Variants in FGF2 observed in about 807,000 individuals in gnomAD.
FGF2 encodes the protein fibroblast growth factor 2.
Under a neutral mutation model 15.9 loss-of-function variants are expected in FGF2, and 13 were observed. The ratio of observed to expected loss-of-function variants is 0.82; its 90% CI spans 0.53 to 1.30. The LOEUF (loss-of-function observed/expected upper bound fraction) is 1.30. Among genes scored for constraint, FGF2 ranks in the 50% most tolerant of loss-of-function variants. The pLI, the probability that FGF2 is intolerant of heterozygous loss-of-function variation, is 0.00. For missense variants in FGF2, 163 were observed against 196.9 expected (o/e 0.83, Z 1.03); for synonymous variants, 90 against 78.4 (o/e 1.15, Z -0.78).
rs1357944142 is a variant in FGF2 at position 122,893,086 on chromosome 4, T to G, written c.*690T>G. On this transcript the variant is annotated 3_prime_UTR_variant, in exon 3 of 3. Transcript: ENST00000644866. ...GGCAAAAATTTATGGTGAATGAATA[T>G]GGCTTTAGGCGGCAGATGATATACA... 1 of 1,614,082 alleles carries G rather than the reference T, an allele frequency of 6.2e-7. No homozygotes were observed. The highest frequency in any genetic ancestry group is 1.3e-5 in the African/African-American group (1 of 74,924).
At chr4:122,858,607 A>G (rs1726388182) in intron 1 of FGF2, among the ~76,000 whole-genome samples, 1 of 152,130 alleles carries the variant, frequency 6.6e-6, no homozygotes. Flanking sequence ...CGTGTTGCCC[A>G]GGCTGGTCTT....
chr4:122,875,648 A>G (rs1273633427), intron 1 of FGF2, among the ~76,000 whole-genome samples: 1 of 152,136 alleles, frequency 6.6e-6, no homozygotes, highest in Non-Finnish European at 1.5e-5. Flanking sequence ...TCTACTAAAA[A>G]TACAAAAAAT....
chr4:122,866,028 G>A (rs1006567067), intron 1 of FGF2, among the ~76,000 whole-genome samples: 7 of 152,266 alleles, frequency 4.6e-5, no homozygotes, highest in Admixed American at 4.6e-4. Context: ...TGATAAATTG[G>A]ACTTCATGAA....
chr4:122,855,931 C>T (rs1008374987), intron 1 of FGF2, among the ~76,000 whole-genome samples: 4 of 152,140 alleles, frequency 2.6e-5, no homozygotes, highest in Admixed American at 6.5e-5. Context: ...CTTCTGTCCC[C>T]GTACCCTCAC....
intron 1 of FGF2, among the ~76,000 whole-genome samples, chr4:122,873,015 C>A (rs6819187): frequency 0.43 from 66,117 of 152,106 alleles, 17,034 homozygotes; most frequent in Non-Finnish European, 0.57. Context: ...GAATCAAATT[C>A]ACACATTTTG....
chr4:122,874,783 A>C (rs556837211), intron 1 of FGF2, among the ~76,000 whole-genome samples: 11 of 152,272 alleles, frequency 7.2e-5, no homozygotes, highest in African/African-American at 2.4e-4. Context: ...TTAATTATTT[A>C]AGAAACTTTC....
At chr4:122,890,168 G>A (rs1180236321) in intron 2 of FGF2, 1 of 152,116 alleles carries the variant, frequency 6.6e-6, no homozygotes, top group African/African-American at 2.4e-5. Context: ...GTTAACTTCA[G>A]TTCACACGAG....
At chr4:122,838,686 G>A (rs1259379919) in intron 1 of FGF2, among the ~76,000 whole-genome samples, 1 of 152,222 alleles carries the variant, frequency 6.6e-6, no homozygotes, top group East Asian at 1.9e-4. Flanking sequence ...GTCCAGCAAA[G>A]TTGAAGTGTG....
intron 1 of FGF2, among the ~76,000 whole-genome samples, chr4:122,872,911 C>T (rs1266638719): frequency 1.3e-5 from 2 of 152,192 alleles, no homozygotes; most frequent in Non-Finnish European, 2.9e-5. Flanking sequence ...GTACCAGTCA[C>T]TGCAAAAAAC....
Position 122,833,671 on chromosome 4 carries a change from T to TA in FGF2, c.178+6319_178+6320insA, listed in dbSNP as rs1193739148. On this transcript the variant is annotated intron_variant, in intron 1 of 2. Coordinates refer to ENST00000644866, the MANE Select transcript of FGF2 (RefSeq NM_001361665.2). ...CAGAGAGTGCTCACTAAATGTCAGC[T>TA]GATGAGGAAAACATTCTCTGTGGAA... is the stretch of plus-strand genomic sequence containing the variant. Among the ~76,000 whole-genome samples, 72 of 152,278 alleles carry TA rather than the reference T, an allele frequency of 4.7e-4. 1 individual carries two copies. Among genetic ancestry groups the TA allele is most frequent in the African/African-American group, 1.7e-3 (71 of 41,544 alleles).
At chr4:122,840,684 C>T (rs539465035) in intron 1 of FGF2, 5 of 189,160 alleles carry the variant, frequency 2.6e-5, no homozygotes, top group Admixed American at 5.0e-5. Context: ...CACTAAAGCC[C>T]AGGTAAGGAG....
In FGF2 at chr4:122,896,943, G is replaced by C. The variant is rs1046852113; in HGVS notation, c.*4547G>C. ...ATTGAATTTGATCCAATAGTTTAAG[G>C]AATAGGTAGGAAAATTTGGTTTCTA... On this transcript the variant is annotated 3_prime_UTR_variant, in exon 3 of 3. Transcript: ENST00000644866. 1.3e-5 allele frequency: 2 copies of C among 152,108 alleles called. No homozygotes were observed. The highest frequency in any genetic ancestry group is 1.5e-5 in the Non-Finnish European group (1 of 68,012). The allele number at this position is 152,108 out of a possible 1,614,324, so 9.4% of individuals were successfully genotyped here.
chr4:122,879,088 G>T (rs1313398381), intron 2 of FGF2, among the ~76,000 whole-genome samples: 1 of 152,150 alleles, frequency 6.6e-6, no homozygotes, highest in Non-Finnish European at 1.5e-5. Flanking sequence ...GGGAATGTAT[G>T]CAGTTTCCTA....
In FGF2 at chr4:122,827,243, C is replaced by G. The variant is rs758749511; in HGVS notation, c.69C>G (p.Pro23=). The change falls in exon 1 of 3, where the codon CCC becomes CCG. Residue 23 remains proline (P), a synonymous_variant. Coordinates refer to ENST00000644866, the MANE Select transcript of FGF2 (RefSeq NM_001361665.2). This position sits in a 1 kb window ranked among gnomAD's most constrained non-coding sequence, Gnocchi z 4.2. ...PEDGGSGAFP[P]GHFKDPKRLY... Reference sequence around the variant, plus strand: ...ATGGCGGCAGCGGCGCCTTCCCGCCCGGCCACTTCAAGGACCCCAAGCGGC... The same window carrying G: ...ATGGCGGCAGCGGCGCCTTCCCGCCGGGCCACTTCAAGGACCCCAAGCGGC... 121 of 1,612,028 alleles carry G rather than the reference C, an allele frequency of 7.5e-5. No individual in the cohort carries two copies. The highest frequency in any genetic ancestry group is 9.7e-5 in the Non-Finnish European group (115 of 1,179,664).
At position 122,826,985 on chromosome 4, in the gene FGF2, A is replaced by G. The variant is rs906112717; in HGVS notation, c.-190A>G. 2 of 1,289,988 alleles carry G rather than the reference A, an allele frequency of 1.6e-6. No individual in the cohort carries two copies. The highest frequency in any genetic ancestry group is 3.1e-5 in the African/African-American group (2 of 64,808). 79.9% of individuals were successfully genotyped at this position (1,289,988 alleles called of 1,614,324 possible). ...CGCCGCGCACCAGGGGCCGGCGGACAGAAGAGCGGCCGAGCGGCTCGAGGC... is the reference window on the plus strand; with the variant it reads ...CGCCGCGCACCAGGGGCCGGCGGACGGAAGAGCGGCCGAGCGGCTCGAGGC... On this transcript the variant is annotated 5_prime_UTR_variant, in exon 1 of 3. Transcript: ENST00000644866.
Position 122,866,219 on chromosome 4 carries a change from T to G in FGF2, c.179-10102T>G, listed in dbSNP as rs1019151341. ...CCGACTCTACTAAAAATACAAAAAA[T>G]TAGCCGGGCGTGGTGGCGGGCGCCT... On this transcript the variant is annotated intron_variant, in intron 1 of 2. Coordinates refer to ENST00000644866, the MANE Select transcript of FGF2 (RefSeq NM_001361665.2). Among the ~76,000 whole-genome samples, 17 of 151,732 alleles carry G rather than the reference T, an allele frequency of 1.1e-4. 1 individual carries two copies. The highest frequency in any genetic ancestry group is 1.0e-3 in the Admixed American group (16 of 15,242).
intron 1 of FGF2, among the ~76,000 whole-genome samples, chr4:122,860,943 G>T (rs1391189040): frequency 6.6e-6 from 1 of 152,144 alleles, no homozygotes; most frequent in Non-Finnish European, 1.5e-5. Context: ...GGAGAAAATG[G>T]TACTGTCTGC....
intron 1 of FGF2, among the ~76,000 whole-genome samples, chr4:122,873,485 A>G (rs745940339): frequency 1.3e-5 from 2 of 152,198 alleles, no homozygotes; most frequent in Non-Finnish European, 2.9e-5. Context: ...TCAGAATTCT[A>G]ATTCCTCACA....
intron 1 of FGF2, among the ~76,000 whole-genome samples, chr4:122,871,684 T>C (rs1431775701): frequency 6.7e-6 from 1 of 149,836 alleles, no homozygotes; most frequent in African/African-American, 2.5e-5. Context: ...TTGAGTAACA[T>C]CTCCAGGTGC....
Sources: allele counts gnomAD v4.1 joint callset (sites outside exome capture counted in the v4.1 genomes callset), GRCh38; gene constraint gnomAD v4.1.1; non-coding constraint Gnocchi (gnomAD v3.1); transcripts MANE v1.5; gene names NCBI Gene and HGNC (gene_info 2026-07-23, HGNC 2026-07-21).